Variants in TACC2 observed in about 807,000 individuals in gnomAD.
TACC2 encodes transforming acidic coiled-coil-containing protein 2.
Under a neutral mutation model 227.3 loss-of-function variants are expected in TACC2, and 137 were observed. The observed-to-expected ratio is 0.60, with a 90% CI of 0.52 to 0.69. The LOEUF (loss-of-function observed/expected upper bound fraction) is 0.69, where lower values mean the gene tolerates loss of function less well. Among genes scored for constraint, TACC2 ranks in the 30% least tolerant of loss-of-function variants. The pLI, the probability that TACC2 is intolerant of heterozygous loss-of-function variation, is 0.00. For missense variants in TACC2, 3,470 were observed against 3,694.4 expected, an observed-to-expected ratio of 0.94 and a Z score of 1.57; for synonymous variants, 1,523 against 1,487.5, an observed-to-expected ratio of 1.02 and a Z score of -0.55.
chr10:122,038,554 T>A (rs569703067), intron 2 of TACC2, among the ~76,000 whole-genome samples: 1 of 152,246 alleles, frequency 6.6e-6, no homozygotes, highest in East Asian at 1.9e-4. Flanking sequence ...GTGGTCGTTG[T>A]CTTGAGACGC....
chr10:122,195,573 A>T (rs11200464), intron 8 of TACC2, among the ~76,000 whole-genome samples: 6,901 of 152,164 alleles, frequency 0.045, 533 homozygotes, highest in African/African-American at 0.16. Flanking sequence ...GTGGGCGGGG[A>T]TAGAGAGGTA....
chr10:122,145,933 C>T (rs1456741038), intron 7 of TACC2, among the ~76,000 whole-genome samples: 2 of 152,224 alleles, frequency 1.3e-5, no homozygotes, highest in African/African-American at 2.4e-5. Context: ...TTCATTTACA[C>T]ATCTGAGCCA....
At chr10:122,253,864 A>G in intron 22 of TACC2, 127 bp from the exon 23 acceptor site, 1 of 712,210 alleles carries the variant, frequency 1.4e-6, no homozygotes, top group Non-Finnish European at 2.5e-6. Context: ...GCTCCAAGTC[A>G]TTTGTCTCAC....
chr10:122,083,240 A>G lies in TACC2; in HGVS notation c.740A>G (p.Gln247Arg). 1.2e-6 allele frequency: 2 copies of G among 1,613,434 alleles called. No individual in the cohort carries two copies. Among genetic ancestry groups the G allele is most frequent in the Non-Finnish European group, 1.7e-6 (2 of 1,179,952 alleles). The change falls in exon 4 of 23, where the codon CAA (glutamine) becomes CGA (arginine). Residue 247 changes from glutamine to arginine, a missense_variant. Gln to Arg is a conservative substitution (Grantham distance 43). Around this residue, in one of 10 missense-constraint regions of TACC2, gnomAD observed 405 missense variants for 389.6 expected, o/e 1.04. Transcript: ENST00000369005. ...AESRQGVASV[Q>R]VTPEAPAAAQ... Reference sequence around the variant, plus strand: ...TCCAGGCAGGGGGTGGCTTCTGTGCAAGTGACCCCTGAGGCCCCTGCTGCA... The same window carrying G: ...TCCAGGCAGGGGGTGGCTTCTGTGCGAGTGACCCCTGAGGCCCCTGCTGCA...
intron 11 of TACC2, among the ~76,000 whole-genome samples, chr10:122,222,037 G>A (rs571240218): frequency 1.2e-4 from 19 of 152,312 alleles, no homozygotes; most frequent in African/African-American, 4.1e-4. Flanking sequence ...ACCCGTGAAC[G>A]ATGACTGAGC....
intron 5 of TACC2, among the ~76,000 whole-genome samples, chr10:122,122,371 A>G (rs2085999605): frequency 1.3e-5 from 2 of 152,218 alleles, no homozygotes; most frequent in African/African-American, 4.8e-5. Flanking sequence ...ATAAATAAAT[A>G]AATAAATAAC....
intron 19 of TACC2, among the ~76,000 whole-genome samples, chr10:122,243,414 A>T (rs1018327752): frequency 1.4e-4 from 21 of 152,172 alleles, no homozygotes; most frequent in African/African-American, 4.6e-4. Context: ...GGTAAATATA[A>T]TAGTAGCCTC....
chr10:122,071,639 C>T (rs138598707), intron 3 of TACC2, among the ~76,000 whole-genome samples: 2,273 of 147,954 alleles, frequency 0.015, 25 homozygotes, highest in Non-Finnish European at 0.02. Flanking sequence ...TTTGGGAGGC[C>T]GAGGCAGGTG....
intron 5 of TACC2, among the ~76,000 whole-genome samples, chr10:122,099,636 T>C (rs2081919166): frequency 6.6e-6 from 1 of 152,236 alleles, no homozygotes; most frequent in Admixed American, 6.5e-5. Context: ...TGGCTTTTGC[T>C]GGTGGTTTTT....
chr10:122,237,699 G>T (rs113451592), intron 17 of TACC2, among the ~76,000 whole-genome samples, 161 bp downstream of exon 17: 1 of 152,250 alleles, frequency 6.6e-6, no homozygotes, highest in African/African-American at 2.4e-5. Context: ...AGACGCTATC[G>T]TGTAATGGGC....
intron 6 of TACC2, among the ~76,000 whole-genome samples, chr10:122,134,986 C>T (rs1468511334): frequency 1.3e-5 from 2 of 152,222 alleles, no homozygotes; most frequent in East Asian, 3.9e-4. Flanking sequence ...GGACACTTCC[C>T]ATGCTCCAGG....
At chr10:122,207,957 G>A (rs943758185) in intron 8 of TACC2, among the ~76,000 whole-genome samples, 5 of 152,120 alleles carry the variant, frequency 3.3e-5, no homozygotes, top group Admixed American at 3.3e-4. Context: ...AGCATCCCCT[G>A]GTCCTCTGTT....
Position 122,248,799 on chromosome 10 carries a change from G to A in TACC2, c.8549G>A (p.Arg2850His), listed in dbSNP as rs767282216. Residue 2850 changes from arginine (R) to histidine (H), a missense_variant, in exon 20 of 23, where the codon CGC becomes CAC. Arg to His is a conservative substitution (Grantham distance 29, BLOSUM62 0). Coordinates refer to ENST00000369005, the MANE Select transcript of TACC2 (RefSeq NM_206862.4). The stretch of plus-strand genomic sequence containing the variant: ...ATGAAGGAGGTCCTAGAAGGCTTCC[G>A]CAAGGTAGGGCTGAGTTTGGGGGCC... The part of the protein sequence containing the change: ...EKMKEVLEGF[R>H]KNEEVLKRCA... 17 of 1,613,926 alleles carry A rather than the reference G, an allele frequency of 1.1e-5. No homozygotes were observed. The highest frequency in any genetic ancestry group is 2.2e-5 in the East Asian group (1 of 44,876).
At chr10:122,076,404 G>A (rs1226293643) in intron 3 of TACC2, among the ~76,000 whole-genome samples, 1 of 152,168 alleles carries the variant, frequency 6.6e-6, no homozygotes, top group Non-Finnish European at 1.5e-5. Flanking sequence ...TTCAGCGGGA[G>A]TTTGAAGGGG....
At chr10:122,022,608 ATTGGCACATTT>A (rs1957463482) in intron 2 of TACC2, 1 of 152,226 alleles carries the variant, frequency 6.6e-6, no homozygotes, top group South Asian at 2.1e-4. Context: ...CATAAGAGAG[ATTGGCACATTT>A]TTCCTAGGTT....
At chr10:122,199,203 G>A (rs1447411000) in intron 8 of TACC2, among the ~76,000 whole-genome samples, 4 of 152,328 alleles carry the variant, frequency 2.6e-5, no homozygotes, top group Admixed American at 6.5e-5. Context: ...ACTGCACCTG[G>A]GGGCCCGAGC....
In TACC2 at chr10:122,087,699, C is replaced by T. The variant is rs747152605; in HGVS notation, c.5199C>T (p.Phe1733=). 20 of 1,613,272 alleles carry T rather than the reference C, an allele frequency of 1.2e-5. No individual in the cohort carries two copies. Among genetic ancestry groups the T allele is most frequent in the Non-Finnish European group, 1.6e-5 (19 of 1,179,948 alleles). Residue 1733 remains phenylalanine, a synonymous_variant, in exon 4 of 23, where the codon TTC becomes TTT. Coordinates refer to ENST00000369005, the MANE Select transcript of TACC2 (RefSeq NM_206862.4). Reference sequence around the variant, plus strand: ...CTGAAGCAGGTACTACGAGGACATTCTCCGTTGTGGCAGGTGACTTGGTGC... The same window carrying T: ...CTGAAGCAGGTACTACGAGGACATTTTCCGTTGTGGCAGGTGACTTGGTGC... ...DLPEAGTTRT[F]SVVAGDLVLP...
At chr10:122,064,838 C>T (rs2077217538) in intron 3 of TACC2, among the ~76,000 whole-genome samples, 1 of 152,150 alleles carries the variant, frequency 6.6e-6, no homozygotes, top group African/African-American at 2.4e-5. Context: ...CAGATACATA[C>T]TGTGAGTTGT....
At chr10:122,192,471 G>A (rs1258965751) in intron 7 of TACC2, 7 of 337,956 alleles carry the variant, frequency 2.1e-5, no homozygotes, top group Non-Finnish European at 3.5e-5. Context: ...GCAGAAGCCA[G>A]GGGATGGACG....
Sources: gnomAD v4.1 joint callset for allele counts (sites outside exome capture counted in the v4.1 genomes callset) on GRCh38, gnomAD v4.1.1 for gene constraint, gnomAD v4.1.1 regional missense constraint, MANE v1.5 for transcripts, NCBI Gene and HGNC (gene_info 2026-07-23, HGNC 2026-07-21) for gene names.